The following CNOT9 variants were observed in gnomAD, a reference collection of about 807,000 sequenced individuals.
CNOT9 encodes RCD1 required for cell differentiation1 homolog.
Under a neutral mutation model 37.4 loss-of-function variants are expected in CNOT9, and 8 were observed. The observed-to-expected ratio is 0.21, with a 90% CI of 0.13 to 0.39. The LOEUF is 0.39. Among genes scored for constraint, CNOT9 ranks in the 10% least tolerant of loss-of-function variants. The pLI, the probability that CNOT9 is intolerant of heterozygous loss-of-function variation, is 1.00. For synonymous variants in CNOT9, 120 were observed against 137.6 expected (o/e 0.87, Z 0.90); for missense variants, 154 against 365.3 (o/e 0.42, Z 4.71).
chr2:218,569,008 C>T, intron 1 of CNOT9, 30 bp downstream of exon 1: 1 of 1,610,660 alleles, frequency 6.2e-7, no homozygotes, highest in South Asian at 1.1e-5. Context: ...GGCTTGGAAC[C>T]AGAATCCTTT....
In CNOT9 at chr2:218,592,409, T is replaced by C; in HGVS notation, c.639+7T>C. 1 of 1,605,582 alleles carries C rather than the reference T, an allele frequency of 6.2e-7. No individual in the cohort carries two copies. Among genetic ancestry groups the C allele is most frequent in the Non-Finnish European group, 8.5e-7 (1 of 1,172,296 alleles). On this transcript the variant is annotated splice_region_variant and intron_variant, in intron 6 of 7. Transcript: ENST00000273064. The surrounding 1 kb of genome is among the most constrained non-coding windows in gnomAD (Gnocchi z 4.1). Reference sequence around the variant, plus strand: ...CCATGTTGCCATGATCTTGGTGAGTTCTTTCATCTATCCCCTTTACAACTA... The same window carrying C: ...CCATGTTGCCATGATCTTGGTGAGTCCTTTCATCTATCCCCTTTACAACTA...
At position 218,592,870 on chromosome 2, in the gene CNOT9, T is replaced by C. The variant is rs1694826689; in HGVS notation, c.731+163T>C. 3.3e-6 allele frequency: 2 copies of C among 613,424 alleles called. No homozygotes were observed. The highest frequency in any genetic ancestry group is 2.9e-6 in the Non-Finnish European group (1 of 349,556). 38.0% of individuals were successfully genotyped at this position (613,424 alleles called of 1,614,324 possible). A position where few individuals can be genotyped will look rare whatever the true frequency, so the allele number is the denominator to read the frequency against. On this transcript the variant is annotated intron_variant, in intron 7 of 7. Coordinates refer to ENST00000273064, the MANE Select transcript of CNOT9 (RefSeq NM_005444.3). This position sits in a 1 kb window ranked among gnomAD's most constrained non-coding sequence, Gnocchi z 4.1. ...AGATTCTTTTAAAAATCTGAAATGC[T>C]GAATTTTAGTAGCCATCAGTTTCAT...
chr2:218,576,871 G>A (rs1265264824), intron 1 of CNOT9, among the ~76,000 whole-genome samples: 1 of 151,728 alleles, frequency 6.6e-6, no homozygotes, highest in Non-Finnish European at 1.5e-5. Flanking sequence ...GGAGGCTGAG[G>A]CAGAAGAACC....
chr2:218,583,985 TA>T (rs771741115), intron 3 of CNOT9, among the ~76,000 whole-genome samples: 1 of 152,254 alleles, frequency 6.6e-6, no homozygotes, highest in Non-Finnish European at 1.5e-5. Flanking sequence ...GTAAGCCTGA[TA>T]ATGGCTGCTT....
intron 1 of CNOT9, among the ~76,000 whole-genome samples, chr2:218,578,958 A>G (rs1694272368): frequency 6.6e-6 from 1 of 152,218 alleles, no homozygotes; most frequent in African/African-American, 2.4e-5. Flanking sequence ...TACATGAGTA[A>G]GTAATGAATG....
intron 1 of CNOT9, 94 bp from the exon 2 acceptor site, chr2:218,580,467 C>G: frequency 9.6e-7 from 1 of 1,043,820 alleles, no homozygotes. Flanking sequence ...CCCTGGTATT[C>G]ATGAAAAATA....
At chr2:218,570,886 T>G (rs1328736442) in intron 1 of CNOT9, among the ~76,000 whole-genome samples, 1 of 152,236 alleles carries the variant, frequency 6.6e-6, no homozygotes, top group Non-Finnish European at 1.5e-5. Context: ...TAGATGCACT[T>G]TCACTTAGGA....
chr2:218,592,719 T>C lies in CNOT9; in HGVS notation c.731+12T>C. The C allele has an allele frequency of 5.6e-6, 9 of 1,594,762 alleles. No homozygotes were observed. Among genetic ancestry groups the C allele is most frequent in the Non-Finnish European group, 7.7e-6 (9 of 1,162,224 alleles). The stretch of plus-strand genomic sequence containing the variant: ...TCAGATAACCCCAGGTAAACATTTA[T>C]AGGATGTATAGGACTTTAGGGAAAT... On this transcript the variant is annotated intron_variant, in intron 7 of 7. Coordinates refer to ENST00000273064, the MANE Select transcript of CNOT9 (RefSeq NM_005444.3). The surrounding 1 kb of genome is among the most constrained non-coding windows in gnomAD (Gnocchi z 4.1).
Position 218,584,294 on chromosome 2 carries a change from G to A in CNOT9, c.321-318G>A, listed in dbSNP as rs148339044. ...TCTTTGTGATGGAAAGGAGAGGGCAGGAGAGGACTGTCCTGTGCATTGTAG... is the reference window on the plus strand; with the variant it reads ...TCTTTGTGATGGAAAGGAGAGGGCAAGAGAGGACTGTCCTGTGCATTGTAG... On this transcript the variant is annotated intron_variant, in intron 3 of 7. Transcript: ENST00000273064. Among the ~76,000 whole-genome samples, 90 of 152,294 alleles carry A rather than the reference G, an allele frequency of 5.9e-4. 2 individuals carry two copies. In the East Asian group the frequency reaches 0.014, roughly 24 times the overall value.
intron 4 of CNOT9, among the ~76,000 whole-genome samples, chr2:218,585,821 G>A (rs1001553702): frequency 6.6e-6 from 1 of 151,042 alleles, no homozygotes; most frequent in Non-Finnish European, 1.5e-5. Flanking sequence ...TTATTTTTTT[G>A]TAGACACAAG....
intron 2 of CNOT9, among the ~76,000 whole-genome samples, chr2:218,582,264 G>T (rs1694413494): frequency 2.0e-5 from 3 of 152,084 alleles, no homozygotes; most frequent in African/African-American, 7.2e-5. Flanking sequence ...AACACTTTCT[G>T]GCCAGTGATC....
chr2:218,581,049 A>G (rs1039353866), intron 2 of CNOT9: 3 of 507,228 alleles, frequency 5.9e-6, no homozygotes, highest in African/African-American at 3.8e-5. Context: ...CCGCTTTAGG[A>G]GTACTGTAAG....
intron 1 of CNOT9, among the ~76,000 whole-genome samples, chr2:218,573,198 A>T (rs1414366988): frequency 6.6e-6 from 1 of 151,996 alleles, no homozygotes; most frequent in Non-Finnish European, 1.5e-5. Context: ...TGCGCTTGTA[A>T]TCCCAGCTAC....
intron 1 of CNOT9, among the ~76,000 whole-genome samples, chr2:218,575,071 C>T (rs989476735): frequency 3.3e-5 from 5 of 152,070 alleles, no homozygotes; most frequent in Admixed American, 1.3e-4. Context: ...TTCACTTTAA[C>T]AATGAGAAAA....
At position 218,592,748 on chromosome 2, in the gene CNOT9, C is replaced by G. The variant is rs1370244951; in HGVS notation, c.731+41C>G. On this transcript the variant is annotated intron_variant, in intron 7 of 7. Transcript: ENST00000273064. This position sits in a 1 kb window ranked among gnomAD's most constrained non-coding sequence, Gnocchi z 4.1. ...ATGTATAGGACTTTAGGGAAATACT[C>G]TGCTGAACAGTTTCCTAATCTCATG... is the stretch of plus-strand genomic sequence containing the variant. 4.0e-6 allele frequency: 6 copies of G among 1,500,938 alleles called. No homozygotes were observed. In the Admixed American group the frequency reaches 1.0e-4, roughly 25 times the overall value. The allele number at this position is 1,500,938 out of a possible 1,614,324, so 93.0% of individuals were successfully genotyped here.
At chr2:218,585,728 T>C (rs988834050) in intron 4 of CNOT9, among the ~76,000 whole-genome samples, 2 of 151,008 alleles carry the variant, frequency 1.3e-5, no homozygotes, top group African/African-American at 4.9e-5. Context: ...ACCCTCAAAC[T>C]CCTGGGATCA....
At chr2:218,570,667 G>A (rs1404501851) in intron 1 of CNOT9, among the ~76,000 whole-genome samples, 1 of 152,166 alleles carries the variant, frequency 6.6e-6, no homozygotes, top group Non-Finnish European at 1.5e-5. Flanking sequence ...AAATCTGATT[G>A]TGTCTTCTCC....
chr2:218,579,926 C>T (rs1447940262), intron 1 of CNOT9, among the ~76,000 whole-genome samples: 1 of 151,492 alleles, frequency 6.6e-6, no homozygotes, highest in Non-Finnish European at 1.5e-5. Context: ...TCAAGCGATT[C>T]TAGTGCCTCA....
chr2:218,575,492 G>A (rs551187374), intron 1 of CNOT9, among the ~76,000 whole-genome samples: 183 of 143,346 alleles, frequency 1.3e-3, no homozygotes, highest in African/African-American at 4.5e-3. Context: ...TGCAAGCTCC[G>A]CTTCCCGGGT....
Sources: gnomAD v4.1 joint callset for allele counts (sites outside exome capture counted in the v4.1 genomes callset) on GRCh38, gnomAD v4.1.1 for gene constraint, Gnocchi (gnomAD v3.1) non-coding constraint, MANE v1.5 for transcripts, NCBI Gene and HGNC (gene_info 2026-07-23, HGNC 2026-07-21) for gene names.